Variants in LAMA2 observed in about 807,000 individuals in gnomAD.
LAMA2 encodes the protein laminin subunit alpha 2.
A neutral mutation model predicts 364.8 loss-of-function variants in LAMA2; 269 were observed. The ratio of observed to expected loss-of-function variants is 0.74; its 90% CI spans 0.67 to 0.82. LAMA2 has a LOEUF of 0.82. Among genes scored for constraint, LAMA2 ranks in the 40% least tolerant of loss-of-function variants. LAMA2 has a pLI of 0.00. For synonymous variants in LAMA2, 1,379 were observed against 1,370.6 expected (o/e 1.01, Z -0.14); for missense variants, 3,807 against 3,873.2 (o/e 0.98, Z 0.45).
chr6:129,255,516 C>G (rs1019336155), intron 14 of LAMA2, among the ~76,000 whole-genome samples: 2 of 149,968 alleles, frequency 1.3e-5, no homozygotes, highest in Admixed American at 6.7e-5. Flanking sequence ...CATGAGTAAG[C>G]CTTTGTTTTC....
chr6:129,105,650 GACTA>G (rs1775777883), intron 4 of LAMA2, among the ~76,000 whole-genome samples: 1 of 152,146 alleles, frequency 6.6e-6, no homozygotes. Flanking sequence ...TGAAGAAAGA[GACTA>G]ACTTTTTCTG....
intron 1 of LAMA2, among the ~76,000 whole-genome samples, chr6:128,990,238 G>C (rs1452786456): frequency 1.3e-5 from 2 of 152,078 alleles, no homozygotes; most frequent in Admixed American, 6.6e-5. Flanking sequence ...ATTACAGAAA[G>C]AATATTACTC....
chr6:128,949,531 T>A (rs1281028327), intron 1 of LAMA2, among the ~76,000 whole-genome samples: 1 of 151,088 alleles, frequency 6.6e-6, no homozygotes, highest in Non-Finnish European at 1.5e-5. Context: ...TAGGGGAAAA[T>A]AGAGAAGAAT....
At chr6:128,902,264 C>G (rs1270030265) in intron 1 of LAMA2, among the ~76,000 whole-genome samples, 1 of 152,182 alleles carries the variant, frequency 6.6e-6, no homozygotes, top group Non-Finnish European at 1.5e-5. Context: ...GACCATATCA[C>G]TAAGAGAATA....
chr6:129,033,895 G>GT (rs10686168), intron 1 of LAMA2, among the ~76,000 whole-genome samples: 316 of 147,116 alleles, frequency 2.1e-3, no homozygotes, highest in South Asian at 0.02. Context: ...CCAGCTATGG[G>GT]TTTTTTTTTT....
intron 43 of LAMA2, chr6:129,442,255 A>G (rs1483527562): frequency 1.5e-6 from 2 of 1,296,484 alleles, no homozygotes; most frequent in Admixed American, 4.6e-5. Flanking sequence ...GATATAATAG[A>G]CATTATTAAT....
intron 31 of LAMA2, 114 bp from the exon 32 acceptor site, chr6:129,353,050 A>C (rs1290142123): frequency 1.4e-6 from 1 of 708,128 alleles, no homozygotes; most frequent in African/African-American, 1.8e-5. Context: ...AAAGTTAACT[A>C]ATGTATGGAC....
chr6:128,890,972 A>G (rs563351058), intron 1 of LAMA2, among the ~76,000 whole-genome samples: 1 of 152,250 alleles, frequency 6.6e-6, no homozygotes, highest in African/African-American at 2.4e-5. Context: ...CTCAGTTAAG[A>G]CAAAAGTCTT....
chr6:129,018,241 A>T (rs1388530340), intron 1 of LAMA2, among the ~76,000 whole-genome samples: 2 of 152,076 alleles, frequency 1.3e-5, no homozygotes, highest in African/African-American at 2.4e-5. Context: ...CATTAAAAAG[A>T]CTTTATTAAA....
chr6:129,406,444 G>A (rs1346823346), intron 40 of LAMA2, among the ~76,000 whole-genome samples: 2 of 152,098 alleles, frequency 1.3e-5, no homozygotes, highest in Non-Finnish European at 2.9e-5. Context: ...GTCGGGTGAG[G>A]AAAGTACTAT....
intron 9 of LAMA2, among the ~76,000 whole-genome samples, chr6:129,172,688 T>A (rs1019025613): frequency 7.9e-5 from 12 of 152,348 alleles, no homozygotes; most frequent in Admixed American, 2.0e-4. Flanking sequence ...CCTTGAGCTG[T>A]GGTGGGCTCC....
intron 13 of LAMA2, among the ~76,000 whole-genome samples, chr6:129,251,064 CTCTCTCTCTCTCTATA>C (rs1393258785): frequency 2.0e-4 from 14 of 69,116 alleles, no homozygotes; most frequent in Non-Finnish European, 3.2e-4. Context: ...CTCTCTCTCT[CTCTCTCTCTCTCTATA>C]TATATATATA....
chr6:129,341,105 G>A (rs1160045547), intron 29 of LAMA2, among the ~76,000 whole-genome samples: 1 of 152,198 alleles, frequency 6.6e-6, no homozygotes, highest in Non-Finnish European at 1.5e-5. Context: ...TATCTGTGGT[G>A]GAAATGACGT....
At chr6:128,954,617 A>G (rs1395930631) in intron 1 of LAMA2, among the ~76,000 whole-genome samples, 5 of 151,916 alleles carry the variant, frequency 3.3e-5, no homozygotes, top group African/African-American at 9.7e-5. Context: ...TTCAATTTCT[A>G]CTCTGTGCTG....
intron 32 of LAMA2, among the ~76,000 whole-genome samples, chr6:129,361,207 T>A (rs774667807): frequency 1.3e-5 from 2 of 152,112 alleles, no homozygotes; most frequent in African/African-American, 2.4e-5. Flanking sequence ...TCACTAGAGG[T>A]CAAATGGAAC....
chr6:129,343,952 T>G (rs1438039804), intron 30 of LAMA2, among the ~76,000 whole-genome samples: 1 of 152,086 alleles, frequency 6.6e-6, no homozygotes, highest in African/African-American at 2.4e-5. Flanking sequence ...CAAAACCTAA[T>G]AAGTAACAGA....
In LAMA2 at chr6:129,146,967, C is replaced by T. The variant is rs1028599119; in HGVS notation, c.828C>T (p.Tyr276=). The T allele has an allele frequency of 6.2e-7, 1 of 1,607,396 alleles. No homozygotes were observed. The highest frequency in any genetic ancestry group is 8.5e-7 in the Non-Finnish European group (1 of 1,174,104). ...TGGATTGCTTTTTGCAGTATTACTA[C>T]TCGGTCAAGGATATTTCAGTTGGAG... ...IDPIVTRRYY[Y]SVKDISVGGM... The change falls in exon 6 of 65, where the codon TAC becomes TAT. Residue 276 remains tyrosine, a synonymous_variant. Transcript: ENST00000421865.
intron 60 of LAMA2, among the ~76,000 whole-genome samples, chr6:129,504,358 G>C (rs1348617056): frequency 6.6e-6 from 1 of 152,150 alleles, no homozygotes; most frequent in Non-Finnish European, 1.5e-5. Flanking sequence ...GATTAAGAAA[G>C]GGAACTTAAA....
chr6:128,905,540 T>C (rs917128939), intron 1 of LAMA2: 4 of 152,140 alleles, frequency 2.6e-5, no homozygotes, highest in African/African-American at 9.7e-5. Flanking sequence ...ATTTAGAGTA[T>C]GATATAAAGA....
Sources: gnomAD v4.1 joint callset for allele counts (sites outside exome capture counted in the v4.1 genomes callset) on GRCh38, gnomAD v4.1.1 for gene constraint, MANE v1.5 for transcripts, NCBI Gene and HGNC (gene_info 2026-07-23, HGNC 2026-07-21) for gene names.